KRTAP10-1: variants seen among roughly 807,000 people sequenced by gnomAD.
The protein encoded by KRTAP10-1 is keratin associated protein 10-1.
For synonymous variants in KRTAP10-1, 155 were observed against 153.3 expected (o/e 1.01, Z -0.08); for missense variants, 364 against 369.2 (o/e 0.99, Z 0.12).
Position 44,539,927 on chromosome 21 carries a change from C to G in KRTAP10-1, c.224G>C (p.Cys75Ser). The change falls in exon 1 of 1, where the codon TGC becomes TCC. Residue 75 changes from cysteine (C) to serine (S), a missense_variant. Physicochemically the swap from Cys to Ser is moderately radical, Grantham distance 112. Transcript: ENST00000400375. ...AGACTGCTGGCAGCACGAGGGCGTG[C>G]AGGAGCTGGTGCAGCCTGATTGGCA... ...SPCQSGCTSS[C>S]TPSCCQQSSC... is the part of the protein sequence containing the mutation. The G allele has an allele frequency of 6.2e-7, 1 of 1,613,856 alleles. No homozygotes were observed. Among genetic ancestry groups the G allele is most frequent in the Non-Finnish European group, 8.5e-7 (1 of 1,179,974 alleles).
In KRTAP10-1 at chr21:44,539,430, G is replaced by T. The variant is rs188356841; in HGVS notation, c.721C>A (p.Arg241=). 2,960 of 1,602,888 alleles carry T rather than the reference G, an allele frequency of 1.8e-3. 2 individuals carry two copies. The highest frequency in any genetic ancestry group is 2.1e-3 in the South Asian group (187 of 90,806). Residue 241 remains arginine, a synonymous_variant, in exon 1 of 1, where the codon CGG becomes AGG. Transcript: ENST00000400375. Reference sequence around the variant, plus strand: ...GAGACAGGCATACAGCAGGCGGGCCGGCATACAGGGCGGCAGAGGAGGGAC... The same window carrying T: ...GAGACAGGCATACAGCAGGCGGGCCTGCATACAGGGCGGCAGAGGAGGGAC... ...SVSLLCRPVC[R]PACCMPVSSC...
In KRTAP10-1 at chr21:44,539,169, T is replaced by G; in HGVS notation, c.*133A>C. Reference sequence around the variant, plus strand: ...GGCTCCTGGGAGCAAGGAGGGGGGGTCACCTCAGCACAGGGGAGACACGGG... The same window carrying G: ...GGCTCCTGGGAGCAAGGAGGGGGGGGCACCTCAGCACAGGGGAGACACGGG... On this transcript the variant is annotated 3_prime_UTR_variant, in exon 1 of 1. Coordinates refer to ENST00000400375, the MANE Select transcript of KRTAP10-1 (RefSeq NM_198691.3). 7.1e-7 allele frequency: 1 copy of G among 1,410,438 alleles called. No homozygotes were observed. The highest frequency in any genetic ancestry group is 9.3e-7 in the Non-Finnish European group (1 of 1,073,126). The allele number at this position is 1,410,438 out of a possible 1,614,324, so 87.4% of individuals were successfully genotyped here.
rs2053178264 is a variant in KRTAP10-1, at chr21:44,539,800, A to C, written c.351T>G (p.Asp117Glu). The C allele has an allele frequency of 6.2e-7, 1 of 1,601,120 alleles. No individual in the cohort carries two copies. Among genetic ancestry groups the C allele is most frequent in the Non-Finnish European group, 8.5e-7 (1 of 1,175,786 alleles). The change falls in exon 1 of 1, where the codon GAT becomes GAG. Residue 117 changes from aspartate to glutamate, a missense_variant. Asp to Glu is a conservative substitution (Grantham distance 45). Coordinates refer to ENST00000400375, the MANE Select transcript of KRTAP10-1 (RefSeq NM_198691.3). ...PVCCLPTCSK[D>E]SSSCCQQSSC... Reference sequence around the variant, plus strand: ...TAGACTGCTGGCAGCATGAAGAGGAATCCTTAGAGCAGGTGGGCAGGCAGC... The same window carrying C: ...TAGACTGCTGGCAGCATGAAGAGGACTCCTTAGAGCAGGTGGGCAGGCAGC...
chr21:44,539,797 G>A lies in KRTAP10-1; in HGVS notation c.354C>T (p.Ser118=), dbSNP rs782099832. Residue 118 remains serine (S), a synonymous_variant, in exon 1 of 1, where the codon TCC becomes TCT. Coordinates refer to ENST00000400375, the MANE Select transcript of KRTAP10-1 (RefSeq NM_198691.3). Reference sequence around the variant, plus strand: ...AGCTAGACTGCTGGCAGCATGAAGAGGAATCCTTAGAGCAGGTGGGCAGGC... The same window carrying A: ...AGCTAGACTGCTGGCAGCATGAAGAAGAATCCTTAGAGCAGGTGGGCAGGC... The part of the protein sequence containing the change: ...VCCLPTCSKD[S]SSCCQQSSCQ... 4 of 1,613,358 alleles carry A rather than the reference G, an allele frequency of 2.5e-6. No homozygotes were observed. The highest frequency in any genetic ancestry group is 1.1e-5 in the South Asian group (1 of 91,062).
rs1340458078 is a variant in KRTAP10-1, at chr21:44,539,138, G to C, written c.*164C>G. 8.0e-7 allele frequency: 1 copy of C among 1,255,448 alleles called. No individual in the cohort carries two copies. The highest frequency in any genetic ancestry group is 1.1e-6 in the Non-Finnish European group (1 of 935,118). 77.8% of individuals were successfully genotyped at this position (1,255,448 alleles called of 1,614,324 possible). ...AAGGCAAGAGCTGGGGAGCTGCAAGGATGGAGGCTCCTGGGAGCAAGGAGG... is the reference window on the plus strand; with the variant it reads ...AAGGCAAGAGCTGGGGAGCTGCAAGCATGGAGGCTCCTGGGAGCAAGGAGG... On this transcript the variant is annotated 3_prime_UTR_variant, in exon 1 of 1. Transcript: ENST00000400375.
chr21:44,540,032 G>A lies in KRTAP10-1; in HGVS notation c.119C>T (p.Ala40Val). Residue 40 changes from alanine (A) to valine (V), a missense_variant, in exon 1 of 1, where the codon GCC becomes GTC. Ala to Val is a moderately conservative substitution (Grantham distance 64). Coordinates refer to ENST00000400375, the MANE Select transcript of KRTAP10-1 (RefSeq NM_198691.3). ...HCCALSCCAP[A>V]PCLTLVCTPV... ...GGTGCAGACCAGGGTCAGGCAGGGG[G>A]CCGGGGCGCAGCAGCTGAGGGCGCA... 2.5e-6 allele frequency: 4 copies of A among 1,613,048 alleles called. No individual in the cohort carries two copies. Among genetic ancestry groups the A allele is most frequent in the African/African-American group, 1.3e-5 (1 of 74,942 alleles).
rs587668806 is a variant in KRTAP10-1, at chr21:44,539,891, G to A, written c.260C>T (p.Pro87Leu). Residue 87 changes from proline to leucine, a missense_variant, in exon 1 of 1, where the codon CCG becomes CTG. By Grantham distance (98) the Pro-to-Leu change is moderately conservative (BLOSUM62 -3). Transcript: ENST00000400375. Reference sequence around the variant, plus strand: ...GCAGGGGGAGGAGGTGCAGCAAGCCGGCTGGCAGCTAGACTGCTGGCAGCA... The same window carrying A: ...GCAGGGGGAGGAGGTGCAGCAAGCCAGCTGGCAGCTAGACTGCTGGCAGCA... ...PSCCQQSSCQ[P>L]ACCTSSPCQQ... 3.5e-5 allele frequency: 56 copies of A among 1,614,060 alleles called. 1 individual carries two copies. The East Asian group carries it at 4.7e-4, about 13-fold the overall frequency.
rs587597005 is a variant in KRTAP10-1, at chr21:44,539,498, G to A, written c.653C>T (p.Pro218Leu). 8.1e-6 allele frequency: 13 copies of A among 1,613,898 alleles called. No individual in the cohort carries two copies. The highest frequency in any genetic ancestry group is 1.7e-4 in the Middle Eastern group (1 of 6,060). Residue 218 changes from proline to leucine, a missense_variant, in exon 1 of 1, where the codon CCG (proline) becomes CTG (leucine). Transcript: ENST00000400375. Reference protein sequence around the residue: ...TSCCQQSSCQPACCTTSCCRP... With the variant: ...TSCCQQSSCQLACCTTSCCRP... Reference sequence around the variant, plus strand: ...GCAGCAGGAGGTGGTGCAGCAAGCCGGCTGGCAGCTAGACTGCTGGCAGCA... The same window carrying A: ...GCAGCAGGAGGTGGTGCAGCAAGCCAGCTGGCAGCTAGACTGCTGGCAGCA...
chr21:44,539,776 A>G lies in KRTAP10-1; in HGVS notation c.375T>C (p.Ser125=). The G allele has an allele frequency of 2.5e-6, 4 of 1,612,286 alleles. No homozygotes were observed. Among genetic ancestry groups the G allele is most frequent in the Middle Eastern group, 1.7e-4 (1 of 6,052 alleles). The change falls in exon 1 of 1, where the codon TCT becomes TCC. Residue 125 remains serine (S), a synonymous_variant. Coordinates refer to ENST00000400375, the MANE Select transcript of KRTAP10-1 (RefSeq NM_198691.3). The part of the protein sequence containing the change: ...SKDSSSCCQQ[S]SCQPTCCASS... Reference sequence around the variant, plus strand: ...AGGCACAGCAAGTTGGCTGGCAGCTAGACTGCTGGCAGCATGAAGAGGAAT... The same window carrying G: ...AGGCACAGCAAGTTGGCTGGCAGCTGGACTGCTGGCAGCATGAAGAGGAAT...
chr21:44,539,445 AGAG>A lies in KRTAP10-1; in HGVS notation c.703_705del (p.Leu235del), dbSNP rs1569173645. On this transcript the variant is annotated inframe_deletion, in exon 1 of 1. Transcript: ENST00000400375. ...CAGGCGGGCCGGCATACAGGGCGGC[AGAG>A]GAGGGACACGGAGGAGGAGGGTCTG... 6.2e-7 allele frequency: 1 copy of A among 1,613,076 alleles called. No homozygotes were observed. The highest frequency in any genetic ancestry group is 2.2e-5 in the East Asian group (1 of 44,866).
rs267606159 is a variant in KRTAP10-1 at position 44,540,065 on chromosome 21, G to A, written c.86C>T (p.Pro29Leu). Residue 29 changes from proline to leucine, a missense_variant, in exon 1 of 1, where the codon CCC becomes CTC. Physicochemically the swap from Pro to Leu is moderately conservative, Grantham distance 98. Coordinates refer to ENST00000400375, the MANE Select transcript of KRTAP10-1 (RefSeq NM_198691.3). Reference sequence around the variant, plus strand: ...GCAGCAGCTGAGGGCGCAGCAGTGGGGCTCACAGCAGCTCTCTGGGCAGGC... The same window carrying A: ...GCAGCAGCTGAGGGCGCAGCAGTGGAGCTCACAGCAGCTCTCTGGGCAGGC... Reference protein sequence around the residue: ...VDACPESCCEPHCCALSCCAP... With the variant: ...VDACPESCCELHCCALSCCAP... 2.5e-6 allele frequency: 4 copies of A among 1,613,372 alleles called. No homozygotes were observed. The East Asian group carries it at 8.9e-5, about 36-fold the overall frequency.
chr21:44,539,940 A>T lies in KRTAP10-1; in HGVS notation c.211T>A (p.Cys71Ser). 6.2e-7 allele frequency: 1 copy of T among 1,613,718 alleles called. No individual in the cohort carries two copies. The highest frequency in any genetic ancestry group is 1.1e-5 in the South Asian group (1 of 91,060). The change falls in exon 1 of 1, where the codon TGC (cysteine) becomes AGC (serine). Residue 71 changes from cysteine (C) to serine (S), a missense_variant. Coordinates refer to ENST00000400375, the MANE Select transcript of KRTAP10-1 (RefSeq NM_198691.3). ...ACEPSPCQSG[C>S]TSSCTPSCCQ... ...CACGAGGGCGTGCAGGAGCTGGTGC[A>T]GCCTGATTGGCAGGGGCTGGGCTCA...
Position 44,540,094 on chromosome 21 carries a change from C to T in KRTAP10-1, c.57G>A (p.Val19=), listed in dbSNP as rs2053190025. Residue 19 remains valine, a synonymous_variant, in exon 1 of 1, where the codon GTG becomes GTA. Coordinates refer to ENST00000400375, the MANE Select transcript of KRTAP10-1 (RefSeq NM_198691.3). ...CSSACSDSWQ[V]DACPESCCEP... ...CACAGCAGCTCTCTGGGCAGGCATCCACCTGCCAGGAGTCGGAGCAAGCGC... is the reference window on the plus strand; with the variant it reads ...CACAGCAGCTCTCTGGGCAGGCATCTACCTGCCAGGAGTCGGAGCAAGCGC... 1.9e-6 allele frequency: 3 copies of T among 1,613,664 alleles called. No individual in the cohort carries two copies. Among genetic ancestry groups the T allele is most frequent in the South Asian group, 1.1e-5 (1 of 91,050 alleles).
rs879949832 is a variant in KRTAP10-1 at position 44,539,805 on chromosome 21, T to C, written c.346A>G (p.Lys116Glu). The change falls in exon 1 of 1, where the codon AAG becomes GAG. Residue 116 changes from lysine to glutamate, a missense_variant. Transcript: ENST00000400375. ...TGCTGGCAGCATGAAGAGGAATCCT[T>C]AGAGCAGGTGGGCAGGCAGCACACA... is the stretch of plus-strand genomic sequence containing the variant. ...KPVCCLPTCSKDSSSCCQQSS... is the reference protein window; with the variant it reads ...KPVCCLPTCSEDSSSCCQQSS... The C allele has an allele frequency of 5.7e-6, 9 of 1,587,914 alleles. No homozygotes were observed. The African/African-American group carries it at 7.5e-5, about 13-fold the overall frequency.
rs377124840 is a variant in KRTAP10-1 at position 44,539,416 on chromosome 21, A to G, written c.735T>C (p.Cys245=). The change falls in exon 1 of 1, where the codon TGT becomes TGC. Residue 245 remains cysteine (C), a synonymous_variant. Transcript: ENST00000400375. ...GGGCACAGCAGGAGGAGACAGGCAT[A>G]CAGCAGGCGGGCCGGCATACAGGGC... ...LCRPVCRPAC[C]MPVSSCCAPA... is the part of the protein sequence containing the mutation. The G allele has an allele frequency of 4.0e-4, 646 of 1,602,528 alleles. 1 individual carries two copies. The highest frequency in any genetic ancestry group is 3.9e-3 in the African/African-American group (291 of 74,680).
In KRTAP10-1 at chr21:44,539,107, T is replaced by C; in HGVS notation, c.*195A>G. 1.0e-6 allele frequency: 1 copy of C among 994,474 alleles called. No homozygotes were observed. Among genetic ancestry groups the C allele is most frequent in the South Asian group, 1.7e-5 (1 of 57,248 alleles). 61.6% of individuals were successfully genotyped at this position (994,474 alleles called of 1,614,324 possible). ...GGGACCTAGCAGGCAGGTGGGCACC[T>C]GCTGGAAGGCAAGAGCTGGGGAGCT... On this transcript the variant is annotated 3_prime_UTR_variant, in exon 1 of 1. Coordinates refer to ENST00000400375, the MANE Select transcript of KRTAP10-1 (RefSeq NM_198691.3).
Position 44,539,229 on chromosome 21 carries a change from G to T in KRTAP10-1, c.*73C>A. The T allele has an allele frequency of 6.4e-7, 1 of 1,564,782 alleles. No individual in the cohort carries two copies. The highest frequency in any genetic ancestry group is 2.3e-5 in the East Asian group (1 of 44,414). ...TAGGTGGGGGAAGCCACCTAACCCAGGTCAGGAACTGAGCCCAGCTGGCCC... is the reference window on the plus strand; with the variant it reads ...TAGGTGGGGGAAGCCACCTAACCCATGTCAGGAACTGAGCCCAGCTGGCCC... On this transcript the variant is annotated 3_prime_UTR_variant, in exon 1 of 1. Transcript: ENST00000400375.
chr21:44,539,603 C>G lies in KRTAP10-1; in HGVS notation c.548G>C (p.Cys183Ser). Residue 183 changes from cysteine to serine, a missense_variant, in exon 1 of 1, where the codon TGC (cysteine) becomes TCC (serine). Transcript: ENST00000400375. ...AGGCTTGCAACGGACGGGCACGCAG[C>G]AGGCCTGCTGGCAGGGGGAGGAGGT... ...CCTSSPCQQA[C>S]CVPVRCKPVC... 6.2e-7 allele frequency: 1 copy of G among 1,613,364 alleles called. No homozygotes were observed. Among genetic ancestry groups the G allele is most frequent in the Non-Finnish European group, 8.5e-7 (1 of 1,179,826 alleles).
In KRTAP10-1 at chr21:44,539,841, A is replaced by C. The variant is rs587678919; in HGVS notation, c.310T>G (p.Cys104Gly). Residue 104 changes from cysteine to glycine, a missense_variant, in exon 1 of 1, where the codon TGC becomes GGC. Coordinates refer to ENST00000400375, the MANE Select transcript of KRTAP10-1 (RefSeq NM_198691.3). ...PCQQACCVPV[C>G]CKPVCCLPTC... ...GGCAGGCAGCACACAGGCTTGCAGC[A>C]GACGGGCACGCAGCAGGCCTGCTGG... is the stretch of plus-strand genomic sequence containing the variant. The C allele has an allele frequency of 3.3e-5, 52 of 1,553,442 alleles. No individual in the cohort carries two copies. The East Asian group carries it at 1.1e-3, about 34-fold the overall frequency.
Sources: allele counts gnomAD v4.1 joint callset, GRCh38; gene constraint gnomAD v4.1.1; transcripts MANE v1.5; gene names NCBI Gene and HGNC (gene_info 2026-07-23, HGNC 2026-07-21).